LUZP2: variants seen among roughly 807,000 people sequenced by gnomAD.
LUZP2 encodes leucine zipper protein 2.
A neutral mutation model predicts 51.6 loss-of-function variants in LUZP2; 52 were observed. That is an observed-to-expected ratio of 1.01 (90% confidence interval 0.81 to 1.27). The LOEUF (loss-of-function observed/expected upper bound fraction) is 1.27, where lower values mean the gene tolerates loss of function less well. Among genes scored for constraint, LUZP2 ranks in the 50% most tolerant of loss-of-function variants. The pLI is 0.00. For missense variants in LUZP2, 436 were observed against 395.4 expected (o/e 1.10, Z -0.87); for synonymous variants, 154 against 137.3 (o/e 1.12, Z -0.85).
chr11:24,792,254 T>A (rs1405861733), intron 5 of LUZP2, among the ~76,000 whole-genome samples: 2 of 151,886 alleles, frequency 1.3e-5, no homozygotes, highest in African/African-American at 4.8e-5. Context: ...GGTGAAACAC[T>A]GTTTCTACTA....
intron 1 of LUZP2, among the ~76,000 whole-genome samples, chr11:24,688,415 A>G (rs1856964002): frequency 6.6e-6 from 1 of 152,200 alleles, no homozygotes; most frequent in South Asian, 2.1e-4. Flanking sequence ...GAGAAAGTCA[A>G]GAATAGCATT....
chr11:24,548,916 A>T (rs1396298283), intron 1 of LUZP2, among the ~76,000 whole-genome samples: 1 of 151,890 alleles, frequency 6.6e-6, no homozygotes, highest in Non-Finnish European at 1.5e-5. Flanking sequence ...TTCATGGTAA[A>T]TACTTTTCTT....
intron 1 of LUZP2, among the ~76,000 whole-genome samples, chr11:24,638,472 GA>G (rs1333690639): frequency 6.6e-6 from 1 of 151,492 alleles, no homozygotes; most frequent in Non-Finnish European, 1.5e-5. Context: ...ACTATATAGG[GA>G]AAAAATTGTT....
intron 9 of LUZP2, among the ~76,000 whole-genome samples, chr11:24,995,913 A>G (rs1345984533): frequency 1.3e-5 from 2 of 151,892 alleles, no homozygotes; most frequent in Non-Finnish European, 1.5e-5. Flanking sequence ...TTAGTGCTAC[A>G]TGACCCAATC....
chr11:25,043,300 G>A (rs969215281), intron 9 of LUZP2, among the ~76,000 whole-genome samples: 1 of 151,810 alleles, frequency 6.6e-6, no homozygotes, highest in Non-Finnish European at 1.5e-5. Flanking sequence ...TATCTTTTGG[G>A]GACCTCCACA....
intron 1 of LUZP2, among the ~76,000 whole-genome samples, chr11:24,584,732 A>G (rs1852999238): frequency 6.6e-6 from 1 of 152,190 alleles, no homozygotes; most frequent in African/African-American, 2.4e-5. Flanking sequence ...CCAGCCTGCA[A>G]TTACACAAAA....
At position 24,757,559 on chromosome 11, in the gene LUZP2, A is replaced by G. The variant is rs112259719; in HGVS notation, c.334-5687A>G. Among the ~76,000 whole-genome samples, 301 of 152,146 alleles carry G rather than the reference A, an allele frequency of 2.0e-3. 1 individual carries two copies. Among genetic ancestry groups the G allele is most frequent in the African/African-American group, 4.7e-3 (197 of 41,576 alleles). ...ACATTAATTCAAGAAGTTGGTTAAA[A>G]AGCAGAAGCTCAAACTCAATGTACT... On this transcript the variant is annotated intron_variant, in intron 4 of 11. Coordinates refer to ENST00000336930, the MANE Select transcript of LUZP2 (RefSeq NM_001009909.4).
chr11:24,571,017 C>A (rs1852422682), intron 1 of LUZP2, among the ~76,000 whole-genome samples: 1 of 151,932 alleles, frequency 6.6e-6, no homozygotes, highest in Non-Finnish European at 1.5e-5. Flanking sequence ...CCTAAGACAG[C>A]AATACTATGT....
chr11:24,740,135 C>A (rs977148768), intron 4 of LUZP2, among the ~76,000 whole-genome samples: 1 of 152,086 alleles, frequency 6.6e-6, no homozygotes, highest in Admixed American at 6.6e-5. Flanking sequence ...AGACTATTTT[C>A]TCTGGTTCTC....
intron 9 of LUZP2, among the ~76,000 whole-genome samples, chr11:25,024,903 A>T (rs1024535732): frequency 6.7e-6 from 1 of 150,298 alleles, no homozygotes; most frequent in Non-Finnish European, 1.5e-5. Context: ...CTATACTACA[A>T]GGCTACAATA....
chr11:24,747,275 T>C (rs1859416031), intron 4 of LUZP2, among the ~76,000 whole-genome samples: 1 of 152,168 alleles, frequency 6.6e-6, no homozygotes, highest in African/African-American at 2.4e-5. Flanking sequence ...TTCCTGTGGA[T>C]GTTCATTCCT....
intron 1 of LUZP2, among the ~76,000 whole-genome samples, chr11:24,583,888 T>G (rs1590208278): frequency 6.6e-6 from 1 of 151,428 alleles, no homozygotes; most frequent in Admixed American, 6.6e-5. Context: ...TATTTTTTTT[T>G]TTTTTGGTAG....
intron 1 of LUZP2, among the ~76,000 whole-genome samples, chr11:24,682,819 C>T (rs977604559): frequency 3.9e-5 from 6 of 151,944 alleles, no homozygotes; most frequent in Non-Finnish European, 5.9e-5. Flanking sequence ...TCCTGGCCAA[C>T]ATGGTGAAAC....
At position 24,611,404 on chromosome 11, in the gene LUZP2, C is replaced by CA. The variant is rs1854113422; in HGVS notation, c.62+114100dup. On this transcript the variant is annotated intron_variant, in intron 1 of 11. Transcript: ENST00000336930. The surrounding 1 kb of genome is among the most constrained non-coding windows in gnomAD (Gnocchi z 4.6). ...TTACCCCATTATATATACATACATA[C>CA]AGCTATATAAGATATATTTTGCACA... Among the ~76,000 whole-genome samples the CA allele has an allele frequency of 6.6e-6, 1 of 152,008 alleles. No homozygotes were observed. Among genetic ancestry groups the CA allele is most frequent in the Admixed American group, 6.6e-5 (1 of 15,260 alleles).
At chr11:24,951,430 G>A (rs1286855263) in intron 7 of LUZP2, among the ~76,000 whole-genome samples, 2 of 151,396 alleles carry the variant, frequency 1.3e-5, no homozygotes, top group African/African-American at 4.8e-5. Context: ...CCAATAAATA[G>A]AAAAAGAACA....
chr11:24,827,605 ATGACTAAAATAGAAG>A (rs1850580978), intron 5 of LUZP2, among the ~76,000 whole-genome samples: 2 of 152,140 alleles, frequency 1.3e-5, no homozygotes, highest in Admixed American at 1.3e-4. Flanking sequence ...GCAGGACAAT[ATGACTAAAATAGAAG>A]GGGCGTAGGG....
At chr11:24,959,471 G>T (rs560012567) in intron 7 of LUZP2, among the ~76,000 whole-genome samples, 1 of 151,850 alleles carries the variant, frequency 6.6e-6, no homozygotes, top group Non-Finnish European at 1.5e-5. Flanking sequence ...GGTCCTTCAC[G>T]TCCCTTGTAA....
chr11:24,789,735 G>A (rs987509217), intron 5 of LUZP2, among the ~76,000 whole-genome samples: 1 of 152,146 alleles, frequency 6.6e-6, no homozygotes, highest in African/African-American at 2.4e-5. Context: ...TCACTTTCTG[G>A]CTCAAAGATG....
At chr11:25,007,746 A>T (rs1159323350) in intron 9 of LUZP2, among the ~76,000 whole-genome samples, 1 of 152,202 alleles carries the variant, frequency 6.6e-6, no homozygotes, top group African/African-American at 2.4e-5. Flanking sequence ...TTTAATTAGG[A>T]GGAAGGGCAA....
Sources: allele counts gnomAD v4.1 joint callset (sites outside exome capture counted in the v4.1 genomes callset), GRCh38; gene constraint gnomAD v4.1.1; non-coding constraint Gnocchi (gnomAD v3.1); transcripts MANE v1.5; gene names NCBI Gene and HGNC (gene_info 2026-07-23, HGNC 2026-07-21).